Variants in URI1 observed in about 807,000 individuals in gnomAD.
URI1 encodes the protein URI1 prefoldin like chaperone.
In URI1, 39 loss-of-function variants were observed where a neutral mutation model predicts 60.2. The ratio of observed to expected loss-of-function variants is 0.65; its 90% CI spans 0.50 to 0.85. The LOEUF (loss-of-function observed/expected upper bound fraction) is 0.85. Among genes scored for constraint, URI1 ranks in the 40% least tolerant of loss-of-function variants. The pLI is 0.00. For synonymous variants in URI1, 251 were observed against 236.8 expected (o/e 1.06, Z -0.55); for missense variants, 691 against 665.9 (o/e 1.04, Z -0.42).
chr19:29,999,758 A>G (rs2055854930), intron 4 of URI1, among the ~76,000 whole-genome samples: 3 of 152,014 alleles, frequency 2.0e-5, no homozygotes, highest in Admixed American at 2.0e-4. Flanking sequence ...AGGCATTTCA[A>G]AATACAAATT....
Position 30,016,084 on chromosome 19 carries a change from C to T in URI1, c.*1015C>T, listed in dbSNP as rs1374856054. The stretch of plus-strand genomic sequence containing the variant: ...AATGTAGCTTTTAAAAAGCATTCTG[C>T]ATTAGTACTAAAATAAGCCATCAAT... On this transcript the variant is annotated 3_prime_UTR_variant, in exon 11 of 11. Transcript: ENST00000392271. 6.6e-6 allele frequency: 1 copy of T among 152,580 alleles called. No homozygotes were observed. Among genetic ancestry groups the T allele is most frequent in the African/African-American group, 2.4e-5 (1 of 41,446 alleles). 9.5% of individuals were successfully genotyped at this position (152,580 alleles called of 1,614,324 possible).
intron 1 of URI1, among the ~76,000 whole-genome samples, chr19:29,951,767 C>T (rs569634925): frequency 6.6e-6 from 1 of 152,120 alleles, no homozygotes; most frequent in Non-Finnish European, 1.5e-5. Flanking sequence ...AGGCTGGTCT[C>T]GATCTCCTGA....
intron 2 of URI1, among the ~76,000 whole-genome samples, chr19:29,976,456 A>G (rs1486534395): frequency 1.3e-5 from 2 of 152,134 alleles, no homozygotes; most frequent in East Asian, 1.9e-4. Context: ...TGTCCAGCTT[A>G]CTTTCTATGG....
chr19:29,966,728 C>T (rs1380607521), intron 1 of URI1, among the ~76,000 whole-genome samples: 1 of 152,212 alleles, frequency 6.6e-6, no homozygotes, highest in Admixed American at 6.5e-5. Context: ...CCCACTGATA[C>T]TATTTTCTTT....
intron 9 of URI1, 57 bp downstream of exon 9, chr19:30,011,293 C>A: frequency 6.5e-7 from 1 of 1,535,960 alleles, no homozygotes; most frequent in Non-Finnish European, 8.7e-7. Context: ...CTTTCTGCCA[C>A]TGAACCTTTA....
At chr19:29,966,800 A>G (rs2055396565) in intron 1 of URI1, among the ~76,000 whole-genome samples, 3 of 152,264 alleles carry the variant, frequency 2.0e-5, no homozygotes, top group Non-Finnish European at 4.4e-5. Context: ...GTCTAGCAGG[A>G]GAAGCAAACT....
At chr19:29,997,401 T>A (rs2055825432) in intron 4 of URI1, among the ~76,000 whole-genome samples, 2 of 152,204 alleles carry the variant, frequency 1.3e-5, no homozygotes, top group Admixed American at 1.3e-4. Flanking sequence ...GTTCCACTTT[T>A]GTTTGTGATT....
chr19:30,013,979 C>G (rs2056054942), intron 10 of URI1, among the ~76,000 whole-genome samples: 1 of 150,830 alleles, frequency 6.6e-6, no homozygotes, highest in African/African-American at 2.4e-5. Flanking sequence ...ATTTTGAGCA[C>G]TTGGTAGACA....
At chr19:30,008,691 C>T (rs2055975327) in intron 7 of URI1, among the ~76,000 whole-genome samples, 1 of 151,910 alleles carries the variant, frequency 6.6e-6, no homozygotes, top group African/African-American at 2.4e-5. Context: ...TAAATGTTCT[C>T]TGAATTTCTT....
chr19:29,950,909 A>G (rs566732412), intron 1 of URI1, among the ~76,000 whole-genome samples: 20 of 152,308 alleles, frequency 1.3e-4, no homozygotes, highest in African/African-American at 4.6e-4. Flanking sequence ...TTCTTGTAGA[A>G]CGTCCCACAA....
At position 30,015,123 on chromosome 19, in the gene URI1, T is replaced by A; in HGVS notation, c.*54T>A. On this transcript the variant is annotated 3_prime_UTR_variant, in exon 11 of 11. Transcript: ENST00000392271. ...CCTAAAACCTAGTTGTTCATTTGTT[T>A]AGAGTATCTATAGCAAAATAGGTTA... 1 of 1,576,190 alleles carries A rather than the reference T, an allele frequency of 6.3e-7. No homozygotes were observed. The highest frequency in any genetic ancestry group is 8.6e-7 in the Non-Finnish European group (1 of 1,164,376).
intron 1 of URI1, among the ~76,000 whole-genome samples, chr19:29,949,055 GCC>G (rs1198129956): frequency 1.4e-5 from 2 of 138,772 alleles, no homozygotes; most frequent in Admixed American, 7.1e-5. Flanking sequence ...GGCGGGGGCT[GCC>G]CCCCGCCTCC....
chr19:29,942,197 G>C, upstream of URI1: 1 of 983,516 alleles, frequency 1.0e-6, no homozygotes, highest in Non-Finnish European at 1.2e-6. Flanking sequence ...GTCGGGGGCG[G>C]GGCCTGCGCG....
At chr19:29,932,062 T>C (rs1383750112) in intron 1 of URI1, among the ~76,000 whole-genome samples, 3 of 152,068 alleles carry the variant, frequency 2.0e-5, no homozygotes, top group African/African-American at 7.2e-5. Flanking sequence ...TCTTGCCTAG[T>C]TGCTGTGACT....
intron 1 of URI1, among the ~76,000 whole-genome samples, chr19:29,952,844 A>G (rs1312727777): frequency 6.6e-6 from 1 of 152,186 alleles, no homozygotes; most frequent in Non-Finnish European, 1.5e-5. Context: ...GAAACTCTCT[A>G]CCCATTAAGC....
In URI1 at chr19:30,016,364, T is replaced by C. The variant is rs758927508; in HGVS notation, c.*1295T>C. ...CACCTAAAAATGTAGATTTGTTCTT[T>C]AGTAAATTTAGATCAACTATGCATA... On this transcript the variant is annotated 3_prime_UTR_variant, in exon 11 of 11. Coordinates refer to ENST00000392271, the MANE Select transcript of URI1 (RefSeq NM_003796.3). 1 of 152,164 alleles carries C rather than the reference T, an allele frequency of 6.6e-6. No individual in the cohort carries two copies. The highest frequency in any genetic ancestry group is 1.5e-5 in the Non-Finnish European group (1 of 67,986). The allele number at this position is 152,164 out of a possible 1,614,324, so 9.4% of individuals were successfully genotyped here. A position where few individuals can be genotyped will look rare whatever the true frequency, so the allele number is the denominator to read the frequency against.
At chr19:29,963,579 G>A (rs1299170333) in intron 1 of URI1, among the ~76,000 whole-genome samples, 2 of 151,938 alleles carry the variant, frequency 1.3e-5, no homozygotes, top group Non-Finnish European at 2.9e-5. Context: ...GTTTGGTTCT[G>A]TTTTATATAT....
chr19:29,966,345 G>A (rs2055391296), intron 1 of URI1, among the ~76,000 whole-genome samples: 1 of 152,020 alleles, frequency 6.6e-6, no homozygotes, highest in African/African-American at 2.4e-5. Context: ...CACCATGTTG[G>A]CTAGGCTGGT....
intron 1 of URI1, among the ~76,000 whole-genome samples, chr19:29,961,480 T>C (rs2055322957): frequency 1.3e-5 from 2 of 152,090 alleles, no homozygotes; most frequent in African/African-American, 2.4e-5. Context: ...GTGGCACATA[T>C]CAGAATTTCT....
Sources: gnomAD v4.1 joint callset for allele counts (sites outside exome capture counted in the v4.1 genomes callset) on GRCh38, gnomAD v4.1.1 for gene constraint, MANE v1.5 for transcripts, NCBI Gene and HGNC (gene_info 2026-07-23, HGNC 2026-07-21) for gene names.